The following PARP11 variants were observed in gnomAD, a reference collection of about 807,000 sequenced individuals.
The protein encoded by PARP11 is protein mono-ADP-ribosyltransferase PARP11.
In PARP11, 31 loss-of-function variants were observed where a neutral mutation model predicts 42.9. The ratio of observed to expected loss-of-function variants is 0.72; its 90% CI spans 0.54 to 0.98. PARP11 has a LOEUF of 0.98. Ranked by LOEUF, PARP11 falls within the 50% of genes least tolerant of loss-of-function variation. The probability of loss-of-function intolerance (pLI) is 0.00; values close to 1 mark genes in which losing one functional copy is unlikely to be tolerated. For missense variants in PARP11, 365 were observed against 413.1 expected, an observed-to-expected ratio of 0.88 and a Z score of 1.01; for synonymous variants, 137 against 127.3, an observed-to-expected ratio of 1.08 and a Z score of -0.51.
chr12:3,841,476 TC>T (rs1368457545), intron 1 of PARP11: 12 of 1,462,612 alleles, frequency 8.2e-6, no homozygotes, highest in Non-Finnish European at 9.6e-6. Flanking sequence ...ATGCCCACTT[TC>T]CTATGCAGAC....
At chr12:3,872,534 C>A (rs1437666101) in intron 1 of PARP11, 1 of 985,202 alleles carries the variant, frequency 1.0e-6, no homozygotes, top group Admixed American at 6.1e-5. Context: ...AGGAAGAAGG[C>A]AGACTTGCAG....
At chr12:3,822,210 T>TC (rs1481466093) in intron 4 of PARP11, 53 bp from the exon 5 acceptor site, 4 of 1,359,208 alleles carry the variant, frequency 2.9e-6, no homozygotes, top group Non-Finnish European at 4.2e-6. Flanking sequence ...ACAATTACTG[T>TC]CAAGAACTTA....
At chr12:3,870,960 T>C (rs1027398197) in intron 1 of PARP11, among the ~76,000 whole-genome samples, 1 of 152,226 alleles carries the variant, frequency 6.6e-6, no homozygotes, top group Admixed American at 6.5e-5. Flanking sequence ...TACAAGTAAT[T>C]ACTTTCCTCT....
intron 6 of PARP11, among the ~76,000 whole-genome samples, chr12:3,817,342 G>C (rs892153686): frequency 1.3e-5 from 2 of 152,092 alleles, no homozygotes; most frequent in Admixed American, 6.5e-5. Flanking sequence ...GGAAAACAAC[G>C]CTTACTTACT....
Position 3,833,645 on chromosome 12 carries a change from T to C in PARP11, c.19-3627A>G, listed in dbSNP as rs545476737. On this transcript the variant is annotated intron_variant, in intron 1 of 7. Coordinates refer to ENST00000228820, the MANE Select transcript of PARP11 (RefSeq NM_020367.6). ...AATTAAAAACTGCTGAAAATTTTTT[T>C]AAAAAACAAACATTTAAAGTCTCTG... Among the ~76,000 whole-genome samples the C allele has an allele frequency of 2.8e-4, 42 of 152,100 alleles. 1 individual carries two copies. Among genetic ancestry groups the C allele is most frequent in the Non-Finnish European group, 2.9e-5 (2 of 68,010 alleles).
chr12:3,821,650 C>G (rs1356716259), intron 6 of PARP11, among the ~76,000 whole-genome samples: 2 of 152,218 alleles, frequency 1.3e-5, no homozygotes, highest in Non-Finnish European at 2.9e-5. Flanking sequence ...TAGCTCTAAA[C>G]CTTGAAAGGA....
intron 1 of PARP11, chr12:3,872,592 A>T: frequency 2.0e-6 from 2 of 985,378 alleles, no homozygotes; most frequent in African/African-American, 1.7e-5. Flanking sequence ...ACATCTAAGA[A>T]CATACAGTCC....
At chr12:3,830,721 A>C (rs1263665657) in intron 1 of PARP11, among the ~76,000 whole-genome samples, 1 of 152,204 alleles carries the variant, frequency 6.6e-6, no homozygotes, top group Non-Finnish European at 1.5e-5. Flanking sequence ...AAATTCATTT[A>C]GGTCTCACAA....
chr12:3,872,203 G>C (rs1948496603), intron 1 of PARP11, among the ~76,000 whole-genome samples: 1 of 152,056 alleles, frequency 6.6e-6, no homozygotes, highest in South Asian at 2.1e-4. Flanking sequence ...TCCTTCCTCA[G>C]TTTATTAACA....
rs111911675 is a variant in PARP11 at position 3,840,002 on chromosome 12, A to G, written c.19-9984T>C. ...TTGTCAGGCAACGAGCAGCTGAAGA[A>G]CAATGGGAACTCTACTAGCCTGCCT... On this transcript the variant is annotated intron_variant, in intron 1 of 7. Coordinates refer to ENST00000228820, the MANE Select transcript of PARP11 (RefSeq NM_020367.6). The surrounding 1 kb of genome is among the most constrained non-coding windows in gnomAD (Gnocchi z 4.4). The G allele has an allele frequency of 2.3e-5, 37 of 1,590,526 alleles. No individual in the cohort carries two copies. Among genetic ancestry groups the G allele is most frequent in the African/African-American group, 1.9e-4 (14 of 74,528 alleles).
At chr12:3,826,791 A>G (rs1410343252) in intron 3 of PARP11, among the ~76,000 whole-genome samples, 1 of 152,240 alleles carries the variant, frequency 6.6e-6, no homozygotes, top group Non-Finnish European at 1.5e-5. Context: ...ACATAAAAAG[A>G]TTCTAGTGAT....
intron 1 of PARP11, among the ~76,000 whole-genome samples, chr12:3,835,555 G>A (rs1449844149): frequency 6.6e-6 from 1 of 152,182 alleles, no homozygotes; most frequent in Non-Finnish European, 1.5e-5. Flanking sequence ...TGAGGCACAG[G>A]TGGTAGACTG....
chr12:3,824,689 A>C, intron 4 of PARP11: 1 of 919,912 alleles, frequency 1.1e-6, no homozygotes, highest in Non-Finnish European at 1.3e-6. Flanking sequence ...GTGACAGAAC[A>C]AAGTGTTTGA....
intron 3 of PARP11, among the ~76,000 whole-genome samples, chr12:3,828,417 C>T (rs1340781349): frequency 2.0e-5 from 3 of 151,420 alleles, no homozygotes; most frequent in Non-Finnish European, 2.9e-5. Context: ...GGTGTGGGGG[C>T]GGGTGCCTGT....
At chr12:3,836,970 G>C (rs1248776221) in intron 1 of PARP11, among the ~76,000 whole-genome samples, 1 of 152,162 alleles carries the variant, frequency 6.6e-6, no homozygotes, top group African/African-American at 2.4e-5. Flanking sequence ...CAGAAGACCT[G>C]TCCCTACCTC....
At chr12:3,834,726 G>A (rs1947721837) in intron 1 of PARP11, among the ~76,000 whole-genome samples, 1 of 151,618 alleles carries the variant, frequency 6.6e-6, no homozygotes, top group South Asian at 2.1e-4. Context: ...AAGCAGAAAG[G>A]CAGAGCAAGC....
chr12:3,857,649 A>G (rs566798920), intron 1 of PARP11, among the ~76,000 whole-genome samples: 70 of 151,762 alleles, frequency 4.6e-4, no homozygotes, highest in African/African-American at 1.5e-3. Context: ...AAAAAAAAAA[A>G]GGAAAAGAAA....
At chr12:3,814,271 A>T in intron 6 of PARP11, 83 bp from the exon 7 acceptor site, 1 of 1,117,126 alleles carries the variant, frequency 9.0e-7, no homozygotes, top group East Asian at 2.7e-5. Context: ...AGCAAGGTTC[A>T]ATAGAAAGCG....
intron 1 of PARP11, chr12:3,839,693 C>T: frequency 9.9e-7 from 1 of 1,009,510 alleles, no homozygotes; most frequent in Non-Finnish European, 1.6e-6. Flanking sequence ...TCACAAGTAA[C>T]TGAAAATAAT....
Sources: allele counts gnomAD v4.1 joint callset (sites outside exome capture counted in the v4.1 genomes callset), GRCh38; gene constraint gnomAD v4.1.1; non-coding constraint Gnocchi (gnomAD v3.1); transcripts MANE v1.5; gene names NCBI Gene and HGNC (gene_info 2026-07-23, HGNC 2026-07-21).